NPC1: variants seen among roughly 807,000 people sequenced by gnomAD.
NPC1 encodes the protein NPC intracellular cholesterol transporter 1, also known as Niemann-Pick C1 protein.
A neutral mutation model predicts 140.4 loss-of-function variants in NPC1; 85 were observed. That is an observed-to-expected ratio of 0.61 (90% CI 0.51 to 0.72). NPC1 has a LOEUF of 0.72. Ranked by LOEUF, NPC1 falls within the 30% of genes least tolerant of loss-of-function variation. The probability of loss-of-function intolerance (pLI) is 0.00; values close to 1 mark genes in which losing one functional copy is unlikely to be tolerated. For synonymous variants in NPC1, 656 were observed against 624.8 expected (o/e 1.05, Z -0.74); for missense variants, 1,504 against 1,623.8 (o/e 0.93, Z 1.27).
At chr18:23,518,681 T>C (rs2058070485), downstream of NPC1, among the ~76,000 whole-genome samples, 1 of 152,214 alleles carries the variant, frequency 6.6e-6, no homozygotes, top group African/African-American at 2.4e-5. Flanking sequence ...TTTAAAATAT[T>C]ATGATCAAGC....
downstream of NPC1, chr18:23,526,859 T>G: frequency 6.7e-7 from 1 of 1,493,858 alleles, no homozygotes; most frequent in Non-Finnish European, 9.0e-7. Flanking sequence ...TGTTGTGTCT[T>G]GTCTGTGACC....
chr18:23,559,533 G>A (rs1398537172), intron 6 of NPC1, among the ~76,000 whole-genome samples: 4 of 119,764 alleles, frequency 3.3e-5, no homozygotes, highest in East Asian at 2.3e-4. Context: ...ACACAGTCTC[G>A]CACTGTCGCC....
intron 7 of NPC1, 66 bp downstream of exon 7, chr18:23,557,051 G>A: frequency 7.4e-7 from 1 of 1,351,362 alleles, no homozygotes; most frequent in South Asian, 1.2e-5. Context: ...CCCCACTGAG[G>A]AAACGAATGC....
intron 20 of NPC1, among the ~76,000 whole-genome samples, chr18:23,537,968 A>G (rs2058656867): frequency 6.6e-6 from 1 of 152,084 alleles, no homozygotes; most frequent in African/African-American, 2.4e-5. Flanking sequence ...CACCTCCCAA[A>G]GCTTCCAAAT....
intron 3 of NPC1, chr18:23,515,935 G>T: frequency 6.2e-7 from 1 of 1,614,166 alleles, no homozygotes; most frequent in Non-Finnish European, 8.5e-7. Flanking sequence ...TGCCCCGAGA[G>T]CGCCGTGATC....
intron 13 of NPC1, 129 bp from the exon 14 acceptor site, chr18:23,543,698 A>G: frequency 1.5e-6 from 1 of 664,858 alleles, no homozygotes; most frequent in Non-Finnish European, 2.6e-6. Context: ...TCTTCTAAGC[A>G]TATAAACTTC....
chr18:23,558,857 T>C (rs1276551084), intron 6 of NPC1, among the ~76,000 whole-genome samples: 1 of 152,224 alleles, frequency 6.6e-6, no homozygotes, highest in Non-Finnish European at 1.5e-5. Context: ...TATCTCCTAA[T>C]GCTATCCCTC....
In NPC1 at chr18:23,560,678, G is replaced by A. The variant is rs542737608; in HGVS notation, c.632-198C>T. On this transcript the variant is annotated intron_variant, in intron 5 of 24. Coordinates refer to ENST00000269228, the MANE Select transcript of NPC1 (RefSeq NM_000271.5). ...TTTTAAGTTACCTCAATAAACTTGCGCGTAGGGGTTTGTCACTGATAGAGG... is the reference window on the plus strand; with the variant it reads ...TTTTAAGTTACCTCAATAAACTTGCACGTAGGGGTTTGTCACTGATAGAGG... Among the ~76,000 whole-genome samples the A allele has an allele frequency of 9.2e-5, 14 of 152,212 alleles. No individual in the cohort carries two copies. The East Asian group carries it at 1.4e-3, about 15-fold the overall frequency.
intron 18 of NPC1, 40 bp downstream of exon 18, chr18:23,539,771 C>T: frequency 1.9e-6 from 3 of 1,601,972 alleles, no homozygotes; most frequent in South Asian, 1.1e-5. Flanking sequence ...CTGAGAGCCT[C>T]CTCCGCTGCT....
At position 23,540,474 on chromosome 18, in the gene NPC1, A is replaced by G. The variant is rs1392853327; in HGVS notation, c.2578T>C (p.Leu860=). The G allele has an allele frequency of 2.5e-6, 4 of 1,612,156 alleles. No individual in the cohort carries two copies. Among genetic ancestry groups the G allele is most frequent in the Non-Finnish European group, 3.4e-6 (4 of 1,178,432 alleles). ...TCTGGCATCGAAAGAGACTGATCCA[A>G]TCCAATATCTACTTTGTTCAGGACT... ...IAVLNKVDIG[L]DQSLSMPDDS... Residue 860 remains leucine, a synonymous_variant, in exon 17 of 25, where the codon TTG becomes CTG. Transcript: ENST00000269228.
chr18:23,527,685 C>T (rs2058346972), downstream of NPC1: 1 of 791,684 alleles, frequency 1.3e-6, no homozygotes, highest in South Asian at 1.4e-5. Flanking sequence ...TTTAAAGGTA[C>T]TTTTGCATTG....
downstream of NPC1, among the ~76,000 whole-genome samples, chr18:23,524,657 T>C (rs1481652379): frequency 2.6e-5 from 4 of 152,066 alleles, no homozygotes; most frequent in African/African-American, 9.7e-5. Flanking sequence ...GTGCATTTTA[T>C]CAAGAACATA....
downstream of NPC1, chr18:23,531,380 A>G: frequency 1.7e-6 from 1 of 602,746 alleles, no homozygotes; most frequent in Non-Finnish European, 2.5e-6. Flanking sequence ...TGAAACTTCT[A>G]GGTCTATTTC....
chr18:23,550,475 A>ATTTTTTTTTTTTTT (rs1491268509), intron 10 of NPC1, among the ~76,000 whole-genome samples: 10 of 53,500 alleles, frequency 1.9e-4, no homozygotes, highest in African/African-American at 3.9e-4. Flanking sequence ...CAGTTCTTAC[A>ATTTTTTTTTTTTTT]TTTCTTTTTT....
chr18:23,516,049 C>A, intron 3 of NPC1: 1 of 1,610,686 alleles, frequency 6.2e-7, no homozygotes, highest in Non-Finnish European at 8.5e-7. Context: ...GTCCCCTGTT[C>A]CTGTAGCATC....
In NPC1 at chr18:23,535,708, G is replaced by A. The variant is rs145227129; in HGVS notation, c.3246-8C>T. On this transcript the variant is annotated splice_polypyrimidine_tract_variant and splice_region_variant and intron_variant, in intron 21 of 24. Transcript: ENST00000269228. ...TAGAAGACATAAAACACACTGGAGG[G>A]GAGAGGGGAGGCCTCATTAAAGCTC... The A allele has an allele frequency of 5.1e-5, 81 of 1,581,518 alleles. No homozygotes were observed. The African/African-American group carries it at 9.4e-4, about 18-fold the overall frequency.
chr18:23,539,192 T>C (rs1289924940), intron 19 of NPC1, among the ~76,000 whole-genome samples, 163 bp downstream of exon 19: 2 of 152,150 alleles, frequency 1.3e-5, no homozygotes, highest in African/African-American at 4.8e-5. Context: ...AGGAACAACA[T>C]GACAATTTCA....
At chr18:23,515,874 A>G (rs2057989153) in intron 3 of NPC1, 1 of 1,614,052 alleles carries the variant, frequency 6.2e-7, no homozygotes, top group Non-Finnish European at 8.5e-7. Context: ...AGAGAAACGG[A>G]GTCTGAAACT....
chr18:23,541,205 T>A lies in NPC1; in HGVS notation c.2377A>T (p.Asn793Tyr), dbSNP rs1382329182. Residue 793 changes from asparagine to tyrosine, a missense_variant, in exon 16 of 25, where the codon AAT becomes TAT. Physicochemically the swap from Asn to Tyr is moderately radical, Grantham distance 143. Coordinates refer to ENST00000269228, the MANE Select transcript of NPC1 (RefSeq NM_000271.5). ...LGLDIKRQEK[N>Y]RLDIFCCVRG... ...ACACAGCAAAAGATGTCTAGCCGAT[T>A]TTTCTGAGGGGACAGAGGGAAACAA... The A allele has an allele frequency of 6.2e-7, 1 of 1,614,202 alleles. No individual in the cohort carries two copies. Among genetic ancestry groups the A allele is most frequent in the East Asian group, 2.2e-5 (1 of 44,892 alleles).
Sources: gnomAD v4.1 joint callset for allele counts (sites outside exome capture counted in the v4.1 genomes callset) on GRCh38, gnomAD v4.1.1 for gene constraint, MANE v1.5 for transcripts, NCBI Gene and HGNC (gene_info 2026-07-23, HGNC 2026-07-21) for gene names.